Variants in RABGEF1 observed in about 807,000 individuals in gnomAD.
RABGEF1 encodes RAB guanine nucleotide exchange factor 1.
In RABGEF1, 26 loss-of-function variants were observed where a neutral mutation model predicts 57.3. The observed-to-expected ratio is 0.45, with a 90% CI of 0.33 to 0.63. The LOEUF is 0.63. Ranked by LOEUF, RABGEF1 falls within the 20% of genes least tolerant of loss-of-function variation. The pLI, the probability that RABGEF1 is intolerant of heterozygous loss-of-function variation, is 0.02. For missense variants in RABGEF1, 464 were observed against 607.6 expected (o/e 0.76, Z 2.48); for synonymous variants, 185 against 210.7 (o/e 0.88, Z 1.06).
At chr7:66,799,637 TTAAAC>T (rs1248568762) in intron 7 of RABGEF1, among the ~76,000 whole-genome samples, 2 of 152,248 alleles carry the variant, frequency 1.3e-5, no homozygotes, top group Non-Finnish European at 1.5e-5. Context: ...TTCTTGGGCA[TTAAAC>T]TAAACTAAGG....
the RABGEF1 span, among the ~76,000 whole-genome samples, chr7:66,657,457 C>T: frequency 6.6e-6 from 1 of 152,156 alleles, no homozygotes; most frequent in African/African-American, 2.4e-5. Context: ...GAAAACACAA[C>T]ATACCAGAAC....
chr7:66,654,616 C>G, the RABGEF1 span: 1 of 152,186 alleles, frequency 6.6e-6, no homozygotes, highest in Admixed American at 6.6e-5. Flanking sequence ...GTCGGCGAAG[C>G]CGCGGGCGAG....
In RABGEF1 at chr7:66,705,491, G is replaced by C. The variant is rs1011401871; in HGVS notation, c.-872-6676G>C. 2.3e-3 allele frequency among the ~76,000 whole-genome samples: 346 copies of C among 148,738 alleles called. 3 individuals are homozygous for C. Among genetic ancestry groups the C allele is most frequent in the African/African-American group, 8.2e-3 (332 of 40,476 alleles). On this transcript the variant is annotated intron_variant and NMD_transcript_variant, in intron 1 of 9. Coordinates refer to the RABGEF1 transcript ENST00000607882. ...AGAGAGAGAGAGAGAGAGAGAGGAG[G>C]GGGGAGGGGGAGGAAGCAGAGGAGG...
At chr7:66,782,147 T>C (rs1054868936) in intron 3 of RABGEF1, among the ~76,000 whole-genome samples, 2 of 152,240 alleles carry the variant, frequency 1.3e-5, no homozygotes, top group Non-Finnish European at 2.9e-5. Context: ...TGGTTTTCCA[T>C]TGAGATAAAA....
At chr7:66,761,975 C>T (rs576280467) in intron 1 of RABGEF1, among the ~76,000 whole-genome samples, 3 of 151,902 alleles carry the variant, frequency 2.0e-5, no homozygotes, top group East Asian at 1.9e-4. Context: ...CACTTGAACC[C>T]GGGAGGTAGC....
intron 1 of RABGEF1, among the ~76,000 whole-genome samples, chr7:66,769,729 T>C (rs996144064): frequency 6.6e-6 from 1 of 152,214 alleles, no homozygotes; most frequent in African/African-American, 2.4e-5. Flanking sequence ...ATAGAGATCT[T>C]ATCATGCTTT....
At position 66,811,334 on chromosome 7, in the gene RABGEF1, C is replaced by T. The variant is rs556637181; in HGVS notation, c.*2050C>T. On this transcript the variant is annotated 3_prime_UTR_variant, in exon 9 of 9. Coordinates refer to ENST00000284957, the MANE Select transcript of RABGEF1 (RefSeq NM_014504.3). ...TATTTCTCTTAAGTCAGCATCAATA[C>T]AACGGCCGGAGTTTCTGTTTTTGCA... is the stretch of plus-strand genomic sequence containing the variant. The T allele has an allele frequency of 3.2e-4, 49 of 152,262 alleles. No individual in the cohort carries two copies. Among genetic ancestry groups the T allele is most frequent in the African/African-American group, 1.1e-3 (45 of 41,558 alleles). 9.4% of individuals were successfully genotyped at this position (152,262 alleles called of 1,614,324 possible).
the RABGEF1 span, among the ~76,000 whole-genome samples, chr7:66,655,925 G>A: frequency 6.6e-6 from 1 of 152,182 alleles, no homozygotes; most frequent in East Asian, 1.9e-4. Context: ...AAAACAGTGT[G>A]GTAAGGAGTG....
At chr7:66,722,447 A>C (rs1796153702) in intron 2 of RABGEF1, among the ~76,000 whole-genome samples, 1 of 152,236 alleles carries the variant, frequency 6.6e-6, no homozygotes, top group East Asian at 1.9e-4. Flanking sequence ...GTCAAAAACA[A>C]AAAGACAAAA....
the RABGEF1 span, among the ~76,000 whole-genome samples, chr7:66,676,874 A>T: frequency 6.6e-6 from 1 of 152,226 alleles, no homozygotes; most frequent in African/African-American, 2.4e-5. Context: ...ATAAGCCATC[A>T]CACCTGGTCC....
chr7:66,740,752 G>A lies in RABGEF1; in HGVS notation c.-58G>A, dbSNP rs1798716218. 1 of 152,636 alleles carries A rather than the reference G, an allele frequency of 6.6e-6. No homozygotes were observed. The highest frequency in any genetic ancestry group is 2.4e-5 in the African/African-American group (1 of 41,432). 9.5% of individuals were successfully genotyped at this position (152,636 alleles called of 1,614,324 possible). On this transcript the variant is annotated 5_prime_UTR_variant, in exon 1 of 9. Coordinates refer to ENST00000284957, the MANE Select transcript of RABGEF1 (RefSeq NM_014504.3). ...GAGCCCAGACCTACCCGGGCGAAGC[G>A]GGCGAGCGGTGGTTTGGACGCCGGC...
chr7:66,693,537 C>T (rs1038041880), intron 1 of RABGEF1, among the ~76,000 whole-genome samples: 5 of 152,088 alleles, frequency 3.3e-5, no homozygotes, highest in African/African-American at 9.7e-5. Context: ...TCCCCTCCCT[C>T]GGCTGCCAGC....
At chr7:66,733,083 C>G (rs1313685092) in intron 2 of RABGEF1, among the ~76,000 whole-genome samples, 1 of 152,208 alleles carries the variant, frequency 6.6e-6, no homozygotes, top group Non-Finnish European at 1.5e-5. Flanking sequence ...GTCCTGGCCC[C>G]TAAGGCATTG....
chr7:66,744,702 A>G (rs953189622), intron 1 of RABGEF1, among the ~76,000 whole-genome samples: 2 of 151,146 alleles, frequency 1.3e-5, no homozygotes, highest in Admixed American at 1.3e-4. Flanking sequence ...CTTGACGTGA[A>G]TGTATACTCA....
At chr7:66,781,717 A>G (rs945063769) in intron 3 of RABGEF1, among the ~76,000 whole-genome samples, 15 of 152,070 alleles carry the variant, frequency 9.9e-5, no homozygotes, top group Non-Finnish European at 7.4e-5. Context: ...AGCTTTTTCT[A>G]TGTAGCCCTC....
intron 1 of RABGEF1, among the ~76,000 whole-genome samples, chr7:66,745,332 G>T (rs557156747): frequency 3.9e-5 from 6 of 152,286 alleles, no homozygotes; most frequent in African/African-American, 1.4e-4. Flanking sequence ...TGGCATGTGG[G>T]TTTTTATTGG....
upstream of RABGEF1, among the ~76,000 whole-genome samples, chr7:66,735,750 A>G (rs1301332767): frequency 6.6e-6 from 1 of 152,092 alleles, no homozygotes; most frequent in Non-Finnish European, 1.5e-5. Context: ...TCCTTCTGCC[A>G]TGATTGTAAG....
the RABGEF1 span, among the ~76,000 whole-genome samples, chr7:66,664,077 GAAAAAAAA>G: frequency 1.3e-5 from 1 of 77,874 alleles, no homozygotes; most frequent in Non-Finnish European, 2.8e-5. Flanking sequence ...GTCTCAAAAA[GAAAAAAAA>G]AAAAAAAAAA....
At chr7:66,700,726 C>T (rs1297947943) in intron 1 of RABGEF1, among the ~76,000 whole-genome samples, 4 of 152,246 alleles carry the variant, frequency 2.6e-5, no homozygotes, top group South Asian at 4.1e-4. Flanking sequence ...TGACCTCCCA[C>T]CTGCCTGGGG....
Sources: allele counts gnomAD v4.1 joint callset (sites outside exome capture counted in the v4.1 genomes callset), GRCh38; gene constraint gnomAD v4.1.1; transcripts MANE v1.5; gene names NCBI Gene and HGNC (gene_info 2026-07-23, HGNC 2026-07-21).